The following KATNIP variants were observed in gnomAD, a reference collection of about 807,000 sequenced individuals.
KATNIP encodes katanin-interacting protein.
Under a neutral mutation model 174.0 loss-of-function variants are expected in KATNIP, and 126 were observed. That is an observed-to-expected ratio of 0.72 (90% CI 0.63 to 0.84). The LOEUF is 0.84. Among genes scored for constraint, KATNIP ranks in the 40% least tolerant of loss-of-function variants. The probability of loss-of-function intolerance (pLI) is 0.00; values close to 1 mark genes in which losing one functional copy is unlikely to be tolerated. For synonymous variants in KATNIP, 810 were observed against 835.7 expected, an observed-to-expected ratio of 0.97 and a Z score of 0.53; for missense variants, 1,958 against 2,109.7, an observed-to-expected ratio of 0.93 and a Z score of 1.41.
chr16:27,763,155 G>GA (rs982278902), intron 19 of KATNIP, among the ~76,000 whole-genome samples: 9 of 144,554 alleles, frequency 6.2e-5, no homozygotes, highest in East Asian at 6.1e-4. Context: ...CTCTACAAAA[G>GA]AAAAAAAAAA....
At chr16:27,695,140 C>G (rs1245133697) in intron 8 of KATNIP, among the ~76,000 whole-genome samples, 1 of 152,246 alleles carries the variant, frequency 6.6e-6, no homozygotes, top group African/African-American at 2.4e-5. Flanking sequence ...TGTGTCCCCT[C>G]CTCCACCGCT....
intron 6 of KATNIP, among the ~76,000 whole-genome samples, chr16:27,650,278 A>C (rs2077080797): frequency 6.6e-6 from 1 of 152,066 alleles, no homozygotes; most frequent in Admixed American, 6.6e-5. Context: ...AAGGAGCAGG[A>C]TGCAGGCACA....
intron 21 of KATNIP, among the ~76,000 whole-genome samples, chr16:27,771,317 T>C (rs1218521656): frequency 6.6e-6 from 1 of 151,952 alleles, no homozygotes; most frequent in African/African-American, 2.4e-5. Context: ...AATACCCACC[T>C]CCTAGGGTTG....
rs1330371679 is a variant in KATNIP, at chr16:27,778,715, C to T, written c.*86C>T. 4 of 1,379,378 alleles carry T rather than the reference C, an allele frequency of 2.9e-6. No individual in the cohort carries two copies. The highest frequency in any genetic ancestry group is 4.0e-6 in the Non-Finnish European group (4 of 991,842). 85.4% of individuals were successfully genotyped at this position (1,379,378 alleles called of 1,614,324 possible). On this transcript the variant is annotated 3_prime_UTR_variant, in exon 28 of 28. Transcript: ENST00000261588. ...AGTGCCTGCGTCCCTCACCCTCAGT[C>T]CCAGGAGCTGGAAGCGAACCACAGT...
intron 6 of KATNIP, among the ~76,000 whole-genome samples, chr16:27,654,163 A>G (rs545244516): frequency 6.6e-6 from 1 of 151,860 alleles, no homozygotes; most frequent in African/African-American, 2.4e-5. Flanking sequence ...TTTAGTAGAG[A>G]TGGGATTTCA....
intron 6 of KATNIP, among the ~76,000 whole-genome samples, chr16:27,650,570 C>T (rs2077092677): frequency 6.6e-6 from 1 of 152,200 alleles, no homozygotes; most frequent in Non-Finnish European, 1.5e-5. Flanking sequence ...ACCGCAAAGG[C>T]AGAGTCTTGC....
chr16:27,735,581 A>G (rs1597332767), intron 14 of KATNIP, among the ~76,000 whole-genome samples: 2 of 152,222 alleles, frequency 1.3e-5, no homozygotes, highest in East Asian at 3.8e-4. Context: ...GAATCCATCC[A>G]TATAAGCAGG....
rs990152769 is a variant in KATNIP, at chr16:27,776,131, C to T, written c.4450-797C>T. ...ACAGGCAACTGAGTTTGGAGACCCT[C>T]ACCCTGACCTTTATTGTTTCCATGG... On this transcript the variant is annotated intron_variant, in intron 24 of 27. Transcript: ENST00000261588. This position sits in a 1 kb window ranked among gnomAD's most constrained non-coding sequence, Gnocchi z 4.7. Among the ~76,000 whole-genome samples, 10 of 152,158 alleles carry T rather than the reference C, an allele frequency of 6.6e-5. No homozygotes were observed. Among genetic ancestry groups the T allele is most frequent in the Admixed American group, 5.9e-4 (9 of 15,284 alleles).
chr16:27,564,746 GGCTTGCTTGCTT>G (rs60987314), intron 1 of KATNIP, among the ~76,000 whole-genome samples: 2 of 151,822 alleles, frequency 1.3e-5, no homozygotes, highest in Middle Eastern at 3.4e-3. Context: ...GTGTCTGCCT[GGCTTGCTTGCTT>G]GCTTGCTTGC....
intron 12 of KATNIP, among the ~76,000 whole-genome samples, chr16:27,708,024 CTTTT>C (rs34070705): frequency 7.1e-6 from 1 of 140,588 alleles, no homozygotes; most frequent in Non-Finnish European, 1.6e-5. Context: ...AGCCCGTAAC[CTTTT>C]TTTTTTTTTT....
chr16:27,703,797 A>G lies in KATNIP; in HGVS notation c.1287-99A>G, dbSNP rs2079192838. On this transcript the variant is annotated intron_variant, in intron 11 of 27. Coordinates refer to ENST00000261588, the MANE Select transcript of KATNIP (RefSeq NM_015202.5). ...ATACAGAGTGCATACTTCCCCTTCA[A>G]ATCATTTCCTATCCCCGAGTGCAGC... 6.5e-6 allele frequency: 6 copies of G among 929,908 alleles called. No homozygotes were observed. In the Admixed American group the frequency reaches 8.8e-5, roughly 14 times the overall value. 57.6% of individuals were successfully genotyped at this position (929,908 alleles called of 1,614,324 possible). A position where few individuals can be genotyped will look rare whatever the true frequency, so the allele number is the denominator to read the frequency against.
chr16:27,690,927 A>ATTTTT (rs2078709015), intron 8 of KATNIP, among the ~76,000 whole-genome samples: 1 of 151,904 alleles, frequency 6.6e-6, no homozygotes, highest in Admixed American at 6.6e-5. Context: ...AGGAATCCCA[A>ATTTTT]TTTTCAGGTG....
intron 5 of KATNIP, among the ~76,000 whole-genome samples, chr16:27,644,859 A>C (rs1378521879): frequency 6.6e-6 from 1 of 151,952 alleles, no homozygotes; most frequent in Non-Finnish European, 1.5e-5. Context: ...TCATGCACAT[A>C]CTCTGTGTCC....
intron 6 of KATNIP, among the ~76,000 whole-genome samples, chr16:27,671,149 C>T (rs376250422): frequency 1.1e-4 from 16 of 152,102 alleles, no homozygotes; most frequent in African/African-American, 3.4e-4. Flanking sequence ...GCTGAGATCG[C>T]GCCACTGCAC....
intron 12 of KATNIP, among the ~76,000 whole-genome samples, chr16:27,707,746 G>T (rs2079380308): frequency 6.6e-6 from 1 of 152,258 alleles, no homozygotes; most frequent in Admixed American, 6.5e-5. Context: ...GGTTTGGTTT[G>T]TTCTGAGGCC....
intron 8 of KATNIP, among the ~76,000 whole-genome samples, chr16:27,692,775 TACAA>T (rs1376584913): frequency 6.6e-6 from 1 of 152,184 alleles, no homozygotes; most frequent in Non-Finnish European, 1.5e-5. Flanking sequence ...GCTTTGTGAC[TACAA>T]GGTCAATGAG....
rs1257678371 is a variant in KATNIP at position 27,770,035 on chromosome 16, C to T, written c.4133+17C>T. The T allele has an allele frequency of 1.9e-5, 31 of 1,608,712 alleles. No individual in the cohort carries two copies. Among genetic ancestry groups the T allele is most frequent in the Non-Finnish European group, 2.3e-5 (27 of 1,175,698 alleles). ...GGCCAGGAGGTGAGGAGAAAGTGGG[C>T]GCCACACACAGCCCCTCCCGGCCCC... On this transcript the variant is annotated intron_variant, in intron 21 of 27. Transcript: ENST00000261588.
At chr16:27,606,294 T>C (rs768283453) in intron 2 of KATNIP, among the ~76,000 whole-genome samples, 1 of 152,122 alleles carries the variant, frequency 6.6e-6, no homozygotes, top group African/African-American at 2.4e-5. Context: ...TACTGTAAGA[T>C]ACATTTGGAT....
At chr16:27,575,970 G>A (rs1489321231) in intron 2 of KATNIP, among the ~76,000 whole-genome samples, 1 of 152,160 alleles carries the variant, frequency 6.6e-6, no homozygotes, top group Non-Finnish European at 1.5e-5. Context: ...GAGACCCTGA[G>A]GTAGAGGAGC....
Sources: gnomAD v4.1 joint callset for allele counts (sites outside exome capture counted in the v4.1 genomes callset) on GRCh38, gnomAD v4.1.1 for gene constraint, Gnocchi (gnomAD v3.1) non-coding constraint, MANE v1.5 for transcripts, NCBI Gene and HGNC (gene_info 2026-07-23, HGNC 2026-07-21) for gene names.